SIPA1L1: variants seen among roughly 807,000 people sequenced by gnomAD.
SIPA1L1 encodes signal-induced proliferation-associated 1-like protein 1.
A neutral mutation model predicts 162.7 loss-of-function variants in SIPA1L1; 26 were observed. The ratio of observed to expected loss-of-function variants is 0.16; its 90% confidence interval spans 0.12 to 0.22. SIPA1L1 has a LOEUF of 0.22. Among genes scored for constraint, SIPA1L1 ranks in the 10% least tolerant of loss-of-function variants. SIPA1L1 has a pLI of 1.00. For synonymous variants in SIPA1L1, 829 were observed against 837.4 expected (o/e 0.99, Z 0.17); for missense variants, 1,874 against 2,241.0 (o/e 0.84, Z 3.31).
At position 71,730,119 on chromosome 14, in the gene SIPA1L1, A is replaced by G. The variant is rs2084629306; in HGVS notation, c.4679A>G (p.His1560Arg). ...PSTPTSRRAL[H>R]RTLSDESIYN... ...ACCCCCACCTCACGGCGGGCCTTGC[A>G]CAGAACACTGTCGGACGAGAGCATT... Residue 1560 changes from histidine to arginine, a missense_variant, in exon 20 of 24, where the codon CAC becomes CGC. His to Arg is a conservative substitution (Grantham distance 29). This residue lies in a region of SIPA1L1 where 936 missense variants were observed against 1,051.9 expected (regional missense o/e 0.89). Coordinates refer to ENST00000381232, the MANE Select transcript of SIPA1L1 (RefSeq NM_001386936.1). 6.2e-7 allele frequency: 1 copy of G among 1,614,050 alleles called. No homozygotes were observed. Among genetic ancestry groups the G allele is most frequent in the Non-Finnish European group, 8.5e-7 (1 of 1,179,990 alleles).
chr14:71,402,293 T>G (rs1936891445), intron 2 of SIPA1L1, among the ~76,000 whole-genome samples: 1 of 151,994 alleles, frequency 6.6e-6, no homozygotes, highest in African/African-American at 2.4e-5. Flanking sequence ...GGATTTGGAA[T>G]AGGATTGTCT....
chr14:71,540,200 G>T (rs1281755810), intron 4 of SIPA1L1, among the ~76,000 whole-genome samples: 1 of 152,214 alleles, frequency 6.6e-6, no homozygotes, highest in East Asian at 1.9e-4. Context: ...ATCACTTGCT[G>T]TCAGCAGCTA....
At chr14:71,548,713 A>G (rs2055481007) in intron 4 of SIPA1L1, among the ~76,000 whole-genome samples, 1 of 152,024 alleles carries the variant, frequency 6.6e-6, no homozygotes, top group African/African-American at 2.4e-5. Context: ...CTTGGGCAAC[A>G]TGGTGAAACC....
chr14:71,692,389 AG>A (rs1223412851), intron 13 of SIPA1L1, among the ~76,000 whole-genome samples: 1 of 152,206 alleles, frequency 6.6e-6, no homozygotes, highest in Non-Finnish European at 1.5e-5. Flanking sequence ...CTCCTTCAAA[AG>A]GTTTTAGTTG....
chr14:71,393,136 A>G (rs1033395943), intron 2 of SIPA1L1, among the ~76,000 whole-genome samples: 15 of 152,200 alleles, frequency 9.9e-5, no homozygotes, highest in Admixed American at 8.5e-4. Flanking sequence ...TTCCAATAGG[A>G]TATCGATATA....
chr14:71,734,986 A>G (rs1348931421), intron 21 of SIPA1L1, among the ~76,000 whole-genome samples: 1 of 152,188 alleles, frequency 6.6e-6, no homozygotes, highest in Non-Finnish European at 1.5e-5. Flanking sequence ...AATTTGGCAC[A>G]AGGACTGTTT....
chr14:71,509,744 C>CTAA (rs1555443428), intron 2 of SIPA1L1, among the ~76,000 whole-genome samples: 1 of 113,794 alleles, frequency 8.8e-6, no homozygotes, highest in African/African-American at 3.2e-5. Context: ...AACTCCATCT[C>CTAA]AAAAAAAAAA....
chr14:71,463,428 C>CT (rs2046758217), intron 2 of SIPA1L1, among the ~76,000 whole-genome samples: 1 of 152,186 alleles, frequency 6.6e-6, no homozygotes, highest in Non-Finnish European at 1.5e-5. Context: ...TAAGACCCTA[C>CT]TTTAACTGGA....
rs1567114570 is a variant in SIPA1L1, at chr14:71,502,249, A to ATATAT, written c.-464-10494_-464-10493insTATAT. Among the ~76,000 whole-genome samples the ATATAT allele has an allele frequency of 1.3e-3, 90 of 67,054 alleles. 1 individual carries two copies. The highest frequency in any genetic ancestry group is 9.1e-3 in the Middle Eastern group (1 of 110). The allele number at this position is 67,054 out of a possible 152,430, so 44.0% of individuals were successfully genotyped here. A position where few individuals can be genotyped will look rare whatever the true frequency, so the allele number is the denominator to read the frequency against. On this transcript the variant is annotated intron_variant, in intron 2 of 23. Transcript: ENST00000381232. ...AGAGCCTTTGAGATACTTGAAAAAA[A>ATATAT]AAAAAAATATATATATATATATATA...
intron 2 of SIPA1L1, among the ~76,000 whole-genome samples, chr14:71,484,503 A>G (rs1488502520): frequency 6.6e-6 from 1 of 152,114 alleles, no homozygotes; most frequent in Non-Finnish European, 1.5e-5. Flanking sequence ...AAGGGGAATG[A>G]TTTCATAGTG....
At chr14:71,373,345 G>A (rs902077790) in intron 2 of SIPA1L1, among the ~76,000 whole-genome samples, 8 of 151,110 alleles carry the variant, frequency 5.3e-5, no homozygotes, top group African/African-American at 1.5e-4. Flanking sequence ...AGTATTGGAC[G>A]GGTGTGGTAG....
intron 12 of SIPA1L1, among the ~76,000 whole-genome samples, chr14:71,674,673 T>C (rs1380466202): frequency 6.6e-6 from 1 of 150,692 alleles, no homozygotes; most frequent in African/African-American, 2.4e-5. Context: ...CACGCCATTC[T>C]CCTGCCTCAG....
intron 4 of SIPA1L1, among the ~76,000 whole-genome samples, chr14:71,546,207 T>A (rs2055177989): frequency 6.6e-6 from 1 of 152,124 alleles, no homozygotes; most frequent in Admixed American, 6.5e-5. Context: ...AATCTACATA[T>A]TAAGCTTTCT....
At position 71,517,023 on chromosome 14, in the gene SIPA1L1, T is replaced by C. The variant is rs562674574; in HGVS notation, c.-362+4178T>C. On this transcript the variant is annotated intron_variant, in intron 3 of 23. Transcript: ENST00000381232. ...TTTTTTTTCTTTTAAAAAACCACAG[T>C]GTGAATGGTGCTTTCTCAAGAGTTT... Among the ~76,000 whole-genome samples the C allele has an allele frequency of 3.3e-5, 5 of 152,130 alleles. No individual in the cohort carries two copies. The East Asian group carries it at 9.6e-4, about 29-fold the overall frequency.
chr14:71,367,822 G>C (rs143927665), intron 2 of SIPA1L1, among the ~76,000 whole-genome samples: 1 of 148,970 alleles, frequency 6.7e-6, no homozygotes, highest in African/African-American at 2.5e-5. Flanking sequence ...GGCCAGGCTG[G>C]TCTCGAACTC....
At chr14:71,664,643 C>T (rs545199549) in intron 10 of SIPA1L1, among the ~76,000 whole-genome samples, 20 of 152,256 alleles carry the variant, frequency 1.3e-4, no homozygotes, top group Non-Finnish European at 2.8e-4. Context: ...TAGCAAATAA[C>T]TAGGTCATAT....
chr14:71,731,425 A>G (rs544052843), intron 20 of SIPA1L1, among the ~76,000 whole-genome samples: 3 of 152,306 alleles, frequency 2.0e-5, no homozygotes, highest in East Asian at 3.9e-4. Context: ...CAAGGTTGGC[A>G]CATGAAATGA....
chr14:71,444,065 A>G (rs2045143556), intron 2 of SIPA1L1, among the ~76,000 whole-genome samples: 1 of 152,234 alleles, frequency 6.6e-6, no homozygotes, highest in Non-Finnish European at 1.5e-5. Flanking sequence ...AGGCAATCCT[A>G]TCACAGCCAC....
chr14:71,508,966 T>C (rs2050894684), intron 2 of SIPA1L1, among the ~76,000 whole-genome samples: 1 of 152,204 alleles, frequency 6.6e-6, no homozygotes, highest in Non-Finnish European at 1.5e-5. Context: ...TTGAGTAGTG[T>C]AGATTTTCCC....
Sources: allele counts gnomAD v4.1 joint callset (sites outside exome capture counted in the v4.1 genomes callset), GRCh38; gene constraint gnomAD v4.1.1; regional missense constraint gnomAD v4.1.1; transcripts MANE v1.5; gene names NCBI Gene and HGNC (gene_info 2026-07-23, HGNC 2026-07-21).